The following VEZT variants were observed in gnomAD, a reference collection of about 807,000 sequenced individuals.
The protein encoded by VEZT is vezatin.
A neutral mutation model predicts 79.9 loss-of-function variants in VEZT; 39 were observed. The ratio of observed to expected loss-of-function variants is 0.49; its 90% CI spans 0.38 to 0.64. The LOEUF is 0.64. VEZT is among the 30% of genes least tolerant of loss of function. The pLI is 0.00. For synonymous variants in VEZT, 325 were observed against 327.6 expected, an observed-to-expected ratio of 0.99 and a Z score of 0.09; for missense variants, 837 against 893.1, an observed-to-expected ratio of 0.94 and a Z score of 0.80.
At chr12:95,275,968 C>T (rs570972059) in intron 7 of VEZT, 5 of 152,036 alleles carry the variant, frequency 3.3e-5, no homozygotes, top group South Asian at 4.2e-4. Flanking sequence ...AATAATAAGC[C>T]GACCATTTTG....
intron 1 of VEZT, among the ~76,000 whole-genome samples, chr12:95,237,377 T>A (rs2060336470): frequency 6.6e-6 from 1 of 152,136 alleles, no homozygotes; most frequent in African/African-American, 2.4e-5. Context: ...AGTACTGCTG[T>A]TGTTTGTGGG....
chr12:95,289,417 C>CAAA (rs146728004), intron 9 of VEZT, among the ~76,000 whole-genome samples: 288 of 69,118 alleles, frequency 4.2e-3, no homozygotes, highest in African/African-American at 6.7e-3. Context: ...ACTCTTGTCT[C>CAAA]AAAAAAAAAA....
chr12:95,256,232 G>A (rs1304987727), intron 2 of VEZT, among the ~76,000 whole-genome samples: 8 of 151,892 alleles, frequency 5.3e-5, no homozygotes, highest in African/African-American at 1.5e-4. Context: ...TGTATTTTTC[G>A]TAGAGACGGG....
chr12:95,225,433 T>G (rs937638683), intron 1 of VEZT, among the ~76,000 whole-genome samples: 1 of 152,022 alleles, frequency 6.6e-6, no homozygotes, highest in African/African-American at 2.4e-5. Flanking sequence ...GGCGGGCGCC[T>G]GTAGTCCCAG....
chr12:95,265,289 A>G (rs752524080), intron 4 of VEZT, among the ~76,000 whole-genome samples: 3 of 152,028 alleles, frequency 2.0e-5, no homozygotes, highest in Non-Finnish European at 4.4e-5. Context: ...TTAAAGTAGT[A>G]TAAAAGTACA....
chr12:95,292,847 C>CTT (rs1204643991), intron 9 of VEZT, among the ~76,000 whole-genome samples: 2,099 of 96,414 alleles, frequency 0.022, 107 homozygotes, highest in African/African-American at 0.06. Flanking sequence ...GTACCTGGCC[C>CTT]TTTTTTTTTT....
In VEZT at chr12:95,292,936, C is replaced by T. The variant is rs147111833; in HGVS notation, c.1523-1336C>T. On this transcript the variant is annotated intron_variant, in intron 9 of 11. Transcript: ENST00000436874. Reference sequence around the variant, plus strand: ...TGCAATCTTGGCTCACTGCAACCTCCATCTCCCGGGTTCAAACGATTCTTC... The same window carrying T: ...TGCAATCTTGGCTCACTGCAACCTCTATCTCCCGGGTTCAAACGATTCTTC... 5.8e-3 allele frequency among the ~76,000 whole-genome samples: 870 copies of T among 150,986 alleles called. 12 individuals are homozygous for T. The highest frequency in any genetic ancestry group is 0.02 in the African/African-American group (823 of 40,968).
chr12:95,268,726 A>G (rs1593735339), intron 5 of VEZT, among the ~76,000 whole-genome samples: 1 of 152,334 alleles, frequency 6.6e-6, no homozygotes, highest in East Asian at 1.9e-4. Context: ...ATGACAGACG[A>G]AGAGAAGTAT....
At chr12:95,289,624 A>G (rs908944838) in intron 9 of VEZT, among the ~76,000 whole-genome samples, 32 of 152,176 alleles carry the variant, frequency 2.1e-4, no homozygotes, top group Admixed American at 1.9e-3. Flanking sequence ...ATAGATAATA[A>G]TGATATGGAT....
intron 1 of VEZT, among the ~76,000 whole-genome samples, chr12:95,223,022 G>A (rs1422403865): frequency 1.3e-5 from 2 of 152,128 alleles, no homozygotes; most frequent in Non-Finnish European, 2.9e-5. Flanking sequence ...ATTCTGAAAG[G>A]CAGTGTAATA....
At chr12:95,258,150 C>A (rs1288300859) in intron 3 of VEZT, 1 of 426,380 alleles carries the variant, frequency 2.3e-6, no homozygotes, top group African/African-American at 2.1e-5. Context: ...TCCAAATTGT[C>A]AAGTTCTTTG....
At chr12:95,245,760 C>T (rs535640915) in intron 1 of VEZT, among the ~76,000 whole-genome samples, 1 of 152,190 alleles carries the variant, frequency 6.6e-6, no homozygotes, top group East Asian at 1.9e-4. Context: ...CAGGAGGATC[C>T]CTTGAGGCCA....
At chr12:95,292,658 C>T (rs2073191459) in intron 9 of VEZT, among the ~76,000 whole-genome samples, 1 of 150,412 alleles carries the variant, frequency 6.6e-6, no homozygotes, top group African/African-American at 2.5e-5. Flanking sequence ...AAGCAATTCT[C>T]CTGCCTCAGC....
intron 1 of VEZT, among the ~76,000 whole-genome samples, chr12:95,227,334 CTTTTTTTT>C (rs62891361): frequency 5.6e-5 from 7 of 126,106 alleles, no homozygotes; most frequent in African/African-American, 1.8e-4. Context: ...CTAATTTTTT[CTTTTTTTT>C]TTTTTTTTTT....
chr12:95,293,500 A>T (rs1380721887), intron 9 of VEZT, among the ~76,000 whole-genome samples: 1 of 152,232 alleles, frequency 6.6e-6, no homozygotes, highest in Non-Finnish European at 1.5e-5. Context: ...TTAAGAATTA[A>T]TCAAAGTTAA....
chr12:95,240,010 AAGAG>A (rs797017553), intron 1 of VEZT, among the ~76,000 whole-genome samples: 67 of 118,088 alleles, frequency 5.7e-4, no homozygotes, highest in African/African-American at 1.9e-3. Context: ...CAGAGAGAGA[AAGAG>A]AGAAAGAAAG....
At chr12:95,291,346 G>C (rs2072756972) in intron 9 of VEZT, among the ~76,000 whole-genome samples, 1 of 152,168 alleles carries the variant, frequency 6.6e-6, no homozygotes, top group Non-Finnish European at 1.5e-5. Flanking sequence ...TAGCATATAA[G>C]CATCACATGA....
chr12:95,262,789 C>A, intron 3 of VEZT, 117 bp from the exon 4 acceptor site: 1 of 921,974 alleles, frequency 1.1e-6, no homozygotes, highest in Non-Finnish European at 1.5e-6. Context: ...GTTGTTTCTT[C>A]TTGAAGTATC....
intron 1 of VEZT, among the ~76,000 whole-genome samples, chr12:95,236,380 C>G (rs2060192703): frequency 6.6e-6 from 1 of 152,100 alleles, no homozygotes; most frequent in South Asian, 2.1e-4. Flanking sequence ...GCAGTACAGT[C>G]CAGCTTCGGC....
Sources: gnomAD v4.1 joint callset for allele counts (sites outside exome capture counted in the v4.1 genomes callset) on GRCh38, gnomAD v4.1.1 for gene constraint, MANE v1.5 for transcripts, NCBI Gene and HGNC (gene_info 2026-07-23, HGNC 2026-07-21) for gene names.